The following MBTD1 variants were observed in gnomAD, a reference collection of about 807,000 sequenced individuals.
MBTD1 encodes MBT domain-containing protein 1.
Under a neutral mutation model 87.8 loss-of-function variants are expected in MBTD1, and 24 were observed. The observed-to-expected ratio is 0.27, with a 90% CI of 0.20 to 0.38. The LOEUF (loss-of-function observed/expected upper bound fraction) is 0.38, where lower values mean the gene tolerates loss of function less well. MBTD1 is among the 10% of genes least tolerant of loss of function. The probability of loss-of-function intolerance (pLI) is 1.00; values close to 1 mark genes in which losing one functional copy is unlikely to be tolerated. For missense variants in MBTD1, 436 were observed against 760.2 expected (o/e 0.57, Z 5.02); for synonymous variants, 237 against 248.6 (o/e 0.95, Z 0.44).
intron 2 of MBTD1, among the ~76,000 whole-genome samples, chr17:51,239,578 C>CT (rs1390005126): frequency 1.3e-5 from 2 of 152,102 alleles, no homozygotes; most frequent in African/African-American, 4.8e-5. Flanking sequence ...AGAAGCATAG[C>CT]TCAGGGTTTT....
At chr17:51,201,171 C>G (rs1327160394) in intron 12 of MBTD1, among the ~76,000 whole-genome samples, 1 of 151,920 alleles carries the variant, frequency 6.6e-6, no homozygotes, top group African/African-American at 2.4e-5. Flanking sequence ...AATTTCTCTT[C>G]TAGGTCTTTT....
chr17:51,247,294 C>T (rs1433443094), intron 2 of MBTD1, among the ~76,000 whole-genome samples: 1 of 152,104 alleles, frequency 6.6e-6, no homozygotes, highest in Non-Finnish European at 1.5e-5. Flanking sequence ...CCTTGTATTC[C>T]TGGTATAAAA....
intron 2 of MBTD1, among the ~76,000 whole-genome samples, chr17:51,254,442 G>C (rs2054966594): frequency 6.6e-6 from 1 of 152,022 alleles, no homozygotes; most frequent in Admixed American, 6.6e-5. Context: ...ACAATCAAGA[G>C]GAAACCAAAA....
chr17:51,238,210 GTTTAAT>G (rs1217353616), intron 2 of MBTD1, among the ~76,000 whole-genome samples: 2 of 152,056 alleles, frequency 1.3e-5, no homozygotes, highest in African/African-American at 2.4e-5. Context: ...TTTCTGTGCA[GTTTAAT>G]TTTGTCAATT....
chr17:51,236,611 A>C (rs967126779), intron 2 of MBTD1, among the ~76,000 whole-genome samples: 1 of 152,128 alleles, frequency 6.6e-6, no homozygotes, highest in African/African-American at 2.4e-5. Context: ...TGGCCCTCCA[A>C]GCATGTGGCA....
At chr17:51,193,828 C>T (rs975309108) in intron 13 of MBTD1, among the ~76,000 whole-genome samples, 3 of 152,128 alleles carry the variant, frequency 2.0e-5, no homozygotes, top group African/African-American at 4.8e-5. Flanking sequence ...CCTATGTTGC[C>T]CGGGTTGTTC....
intron 2 of MBTD1, among the ~76,000 whole-genome samples, chr17:51,241,512 CTCT>C (rs2054159793): frequency 6.6e-6 from 1 of 152,120 alleles, no homozygotes. Flanking sequence ...AGAAACAGCT[CTCT>C]TTTTTCTCTT....
chr17:51,213,411 G>A (rs2052374129), intron 6 of MBTD1, among the ~76,000 whole-genome samples: 1 of 152,086 alleles, frequency 6.6e-6, no homozygotes, highest in Non-Finnish European at 1.5e-5. Flanking sequence ...ATTACTAATA[G>A]AAAATAATCT....
intron 12 of MBTD1, among the ~76,000 whole-genome samples, chr17:51,197,104 A>G (rs1304133792): frequency 5.2e-5 from 1 of 19,340 alleles, no homozygotes; most frequent in Non-Finnish European, 8.5e-5. Context: ...ATATATATAT[A>G]TATATATATA....
chr17:51,192,419 C>T lies in MBTD1; in HGVS notation c.1691-139G>A, dbSNP rs1262686231. The T allele has an allele frequency of 1.2e-5, 8 of 667,940 alleles. No individual in the cohort carries two copies. The African/African-American group carries it at 1.5e-4, about 12-fold the overall frequency. The allele number at this position is 667,940 out of a possible 1,614,324, so 41.4% of individuals were successfully genotyped here. ...ACATGATGCTCTGAAAATAAGGGTA[C>T]TTGTTCCTACAAAACCATAGCCTCA... On this transcript the variant is annotated intron_variant, in intron 15 of 16. Coordinates refer to ENST00000586178, the MANE Select transcript of MBTD1 (RefSeq NM_017643.3).
At chr17:51,192,543 T>A in intron 15 of MBTD1, 1 of 720,392 alleles carries the variant, frequency 1.4e-6, no homozygotes, top group Non-Finnish European at 2.2e-6. Flanking sequence ...AAGTCTAGTT[T>A]AATTTGGTGA....
At chr17:51,238,962 T>C (rs759495264) in intron 2 of MBTD1, among the ~76,000 whole-genome samples, 2 of 151,972 alleles carry the variant, frequency 1.3e-5, no homozygotes, top group African/African-American at 2.4e-5. Flanking sequence ...TAACTGGGTG[T>C]GGTAATGTGC....
At chr17:51,237,911 G>T (rs565336567) in intron 2 of MBTD1, among the ~76,000 whole-genome samples, 1 of 152,170 alleles carries the variant, frequency 6.6e-6, no homozygotes, top group Non-Finnish European at 1.5e-5. Context: ...ACAAATTGTG[G>T]TACGTCCATA....
At chr17:51,200,300 G>A (rs75122927) in intron 12 of MBTD1, among the ~76,000 whole-genome samples, 3 of 152,040 alleles carry the variant, frequency 2.0e-5, no homozygotes, top group Non-Finnish European at 4.4e-5. Flanking sequence ...GGTGGCTCCT[G>A]CCTGTAATCC....
At chr17:51,254,666 T>C (rs1233198693) in intron 2 of MBTD1, among the ~76,000 whole-genome samples, 1 of 152,196 alleles carries the variant, frequency 6.6e-6, no homozygotes, top group Non-Finnish European at 1.5e-5. Flanking sequence ...TAACAATTAC[T>C]TGGGTCTCAG....
chr17:51,201,769 G>T, intron 11 of MBTD1, 73 bp from the exon 12 acceptor site: 1 of 1,086,756 alleles, frequency 9.2e-7, no homozygotes, highest in Non-Finnish European at 1.4e-6. Context: ...TTACCAATGT[G>T]AAAAGATTTA....
intron 16 of MBTD1, chr17:51,185,939 T>C (rs2050515320): frequency 6.5e-6 from 1 of 152,674 alleles, no homozygotes; most frequent in South Asian, 2.1e-4. Context: ...TCAGCATCTG[T>C]CATGCCAGAC....
chr17:51,182,112 C>G (rs1024571321), intron 16 of MBTD1, among the ~76,000 whole-genome samples: 1 of 146,904 alleles, frequency 6.8e-6, no homozygotes, highest in Non-Finnish European at 1.5e-5. Flanking sequence ...CCACTCCTGC[C>G]TGGGCCCTGT....
At chr17:51,194,205 A>C (rs1029563841) in intron 13 of MBTD1, among the ~76,000 whole-genome samples, 8 of 152,210 alleles carry the variant, frequency 5.3e-5, no homozygotes, top group African/African-American at 1.9e-4. Context: ...TTAGAGGAAC[A>C]ACTTAATGCT....
Sources: gnomAD v4.1 joint callset for allele counts (sites outside exome capture counted in the v4.1 genomes callset) on GRCh38, gnomAD v4.1.1 for gene constraint, MANE v1.5 for transcripts, NCBI Gene and HGNC (gene_info 2026-07-23, HGNC 2026-07-21) for gene names.